Variants in TBCK observed in about 807,000 individuals in gnomAD.
The protein encoded by TBCK is TBC domain-containing protein kinase-like protein.
A neutral mutation model predicts 113.4 loss-of-function variants in TBCK; 99 were observed. The observed-to-expected ratio is 0.87, with a 90% CI of 0.74 to 1.03. TBCK has a LOEUF of 1.03. Ranked by LOEUF, TBCK falls within the 50% of genes least tolerant of loss-of-function variation. The probability of loss-of-function intolerance (pLI) is 0.00; values close to 1 mark genes in which losing one functional copy is unlikely to be tolerated. For missense variants in TBCK, 1,045 were observed against 1,061.3 expected (o/e 0.98, Z 0.21); for synonymous variants, 369 against 370.8 (o/e 1.00, Z 0.05).
chr4:106,277,263 A>G (rs967560340), intron 3 of TBCK, among the ~76,000 whole-genome samples: 7 of 152,198 alleles, frequency 4.6e-5, no homozygotes, highest in Non-Finnish European at 8.8e-5. Context: ...ACATTTTGGA[A>G]AAAGGTCTAA....
At chr4:106,128,512 C>G (rs1745494259) in intron 23 of TBCK, among the ~76,000 whole-genome samples, 1 of 152,082 alleles carries the variant, frequency 6.6e-6, no homozygotes, top group Non-Finnish European at 1.5e-5. Context: ...TATACAGCAG[C>G]AGTAGGCAGA....
intron 23 of TBCK, among the ~76,000 whole-genome samples, chr4:106,154,905 T>G (rs1190452990): frequency 6.6e-6 from 1 of 152,122 alleles, no homozygotes; most frequent in Non-Finnish European, 1.5e-5. Flanking sequence ...CACACCAGAG[T>G]CACAGTGTGA....
At chr4:106,070,858 T>G (rs1578806162) in intron 25 of TBCK, among the ~76,000 whole-genome samples, 1 of 152,230 alleles carries the variant, frequency 6.6e-6, no homozygotes, top group African/African-American at 2.4e-5. Context: ...AAGTTCTTCC[T>G]GGTTTAGTCT....
At chr4:106,111,712 T>C (rs1305059898) in intron 24 of TBCK, among the ~76,000 whole-genome samples, 1 of 152,228 alleles carries the variant, frequency 6.6e-6, no homozygotes, top group Non-Finnish European at 1.5e-5. Flanking sequence ...GGTTTAATCA[T>C]AGAACCTGGA....
At chr4:106,192,634 T>C (rs1455081207) in intron 22 of TBCK, among the ~76,000 whole-genome samples, 1 of 152,128 alleles carries the variant, frequency 6.6e-6, no homozygotes, top group Non-Finnish European at 1.5e-5. Context: ...TTCTTATTAT[T>C]TTCCCACAAA....
intron 4 of TBCK, among the ~76,000 whole-genome samples, chr4:106,261,471 T>C (rs1009370746): frequency 6.6e-6 from 1 of 152,012 alleles, no homozygotes; most frequent in South Asian, 2.1e-4. Context: ...ATAATGCCCA[T>C]GAAAAAATTT....
At chr4:106,111,681 G>A (rs1400056053) in intron 24 of TBCK, among the ~76,000 whole-genome samples, 6 of 152,168 alleles carry the variant, frequency 3.9e-5, no homozygotes, top group South Asian at 2.1e-4. Flanking sequence ...TGCCTCTGTC[G>A]TAAAGAATAC....
intron 3 of TBCK, among the ~76,000 whole-genome samples, chr4:106,269,262 T>C (rs1763264727): frequency 6.6e-6 from 1 of 152,186 alleles, no homozygotes; most frequent in Non-Finnish European, 1.5e-5. Context: ...TTCTGTGCTA[T>C]CTTCAAAGAA....
intron 2 of TBCK, among the ~76,000 whole-genome samples, chr4:106,300,510 C>T (rs1158595887): frequency 2.0e-5 from 3 of 152,086 alleles, no homozygotes; most frequent in Admixed American, 6.5e-5. Flanking sequence ...CAGTAAAAAT[C>T]GAGACTAGCT....
intron 2 of TBCK, among the ~76,000 whole-genome samples, chr4:106,300,085 C>T (rs1766771072): frequency 6.6e-6 from 1 of 152,134 alleles, no homozygotes; most frequent in African/African-American, 2.4e-5. Context: ...CTCATGAGAT[C>T]TGATGGTTCT....
At chr4:106,236,284 A>T in intron 14 of TBCK, 106 bp downstream of exon 14, 1 of 825,948 alleles carries the variant, frequency 1.2e-6, no homozygotes, top group East Asian at 3.3e-5. Context: ...GATAGGTCAT[A>T]AAAATTAATC....
At chr4:106,266,150 A>C (rs1302699434) in intron 3 of TBCK, among the ~76,000 whole-genome samples, 1 of 151,862 alleles carries the variant, frequency 6.6e-6, no homozygotes, top group Admixed American at 6.6e-5. Flanking sequence ...TATAGAGGCA[A>C]AGATTTTATG....
At chr4:106,196,855 T>C (rs758386730) in intron 20 of TBCK, among the ~76,000 whole-genome samples, 6 of 152,098 alleles carry the variant, frequency 3.9e-5, no homozygotes, top group Non-Finnish European at 5.9e-5. Context: ...GAAAGCTAAC[T>C]GTCATTAAGA....
Position 106,251,976 on chromosome 4 carries a change from C to A in TBCK, c.487G>T (p.Ala163Ser). The A allele has an allele frequency of 1.9e-6, 3 of 1,610,774 alleles. No homozygotes were observed. The highest frequency in any genetic ancestry group is 2.5e-6 in the Non-Finnish European group (3 of 1,178,098). The stretch of plus-strand genomic sequence containing the variant: ...TCAGTGGTTTTGAAAATTCCCTGTG[C>A]AATTACCTCAGGGGCCAAGTACGAG... ...YPSYLAPEVI[A>S]QGIFKTTDHM... The change falls in exon 6 of 26, where the codon GCA becomes TCA. Residue 163 changes from alanine to serine, a missense_variant. Ala to Ser is a moderately conservative substitution (Grantham distance 99). Transcript: ENST00000394708.
chr4:106,083,131 T>C (rs1301145036), intron 25 of TBCK, among the ~76,000 whole-genome samples: 4 of 152,192 alleles, frequency 2.6e-5, no homozygotes, highest in Non-Finnish European at 5.9e-5. Context: ...TTTGAGCTCC[T>C]TGGGGAAGGG....
chr4:106,308,766 AC>A lies in TBCK; in HGVS notation c.193+1del. ...AATAGGAAAAAAAAGAAAATAACTT[AC>A]CATGCTTTCCCCTAGAAATATCCAC... On this transcript the variant is annotated splice_donor_variant, in intron 2 of 25. Coordinates refer to ENST00000394708, the MANE Select transcript of TBCK (RefSeq NM_001163435.3). LOFTEE classifies it high-confidence loss of function. 1 of 1,603,858 alleles carries A rather than the reference AC, an allele frequency of 6.2e-7. No individual in the cohort carries two copies. The highest frequency in any genetic ancestry group is 8.5e-7 in the Non-Finnish European group (1 of 1,177,222).
intron 8 of TBCK, 137 bp from the exon 9 acceptor site, chr4:106,248,443 G>C: frequency 1.7e-6 from 1 of 597,074 alleles, no homozygotes. Context: ...TAGTCACTGT[G>C]AAAAAGCAAA....
rs534377827 is a variant in TBCK, at chr4:106,223,717, A to C, written c.1774+6646T>G. Among the ~76,000 whole-genome samples, 24 of 152,242 alleles carry C rather than the reference A, an allele frequency of 1.6e-4. No individual in the cohort carries two copies. The South Asian group carries it at 5.0e-3, about 32-fold the overall frequency. ...CAACCACATCTTCCAAAACACTACA[A>C]GAGTATGTTTAATGTGCCAAAGTTT... On this transcript the variant is annotated intron_variant, in intron 19 of 25. Coordinates refer to ENST00000394708, the MANE Select transcript of TBCK (RefSeq NM_001163435.3).
rs1270792843 is a variant in TBCK at position 106,041,895 on chromosome 4, A to T, written c.*4675T>A. On this transcript the variant is annotated 3_prime_UTR_variant, in exon 26 of 26. Coordinates refer to ENST00000394708, the MANE Select transcript of TBCK (RefSeq NM_001163435.3). ...CTCAGAAAAGATATAAATACATGTG[A>T]CTTTATAAAATATGGCTAACTTTTA... The T allele has an allele frequency of 6.6e-6, 1 of 152,240 alleles. No individual in the cohort carries two copies. Among genetic ancestry groups the T allele is most frequent in the Non-Finnish European group, 1.5e-5 (1 of 68,046 alleles). 9.4% of individuals were successfully genotyped at this position (152,240 alleles called of 1,614,324 possible).
Sources: gnomAD v4.1 joint callset for allele counts (sites outside exome capture counted in the v4.1 genomes callset) on GRCh38, gnomAD v4.1.1 for gene constraint, MANE v1.5 for transcripts, NCBI Gene and HGNC (gene_info 2026-07-23, HGNC 2026-07-21) for gene names.